Variants in FLVCR2 observed in about 807,000 individuals in gnomAD.
FLVCR2 encodes FLVCR choline and putative heme transporter 2, also known as choline/ethanolamine transporter FLVCR2.
Under a neutral mutation model 48.9 loss-of-function variants are expected in FLVCR2, and 38 were observed. The observed-to-expected ratio is 0.78, with a 90% CI of 0.60 to 1.02. The LOEUF (loss-of-function observed/expected upper bound fraction) is 1.02, where lower values mean the gene tolerates loss of function less well. Among genes scored for constraint, FLVCR2 ranks in the 50% least tolerant of loss-of-function variants. The pLI is 0.00. For missense variants in FLVCR2, 664 were observed against 663.3 expected (o/e 1.00, Z -0.01); for synonymous variants, 255 against 257.0 (o/e 0.99, Z 0.07).
At chr14:75,595,827 G>C (rs1889005588) in intron 1 of FLVCR2, 3 of 886,060 alleles carry the variant, frequency 3.4e-6, no homozygotes, top group Non-Finnish European at 5.8e-6. Flanking sequence ...CTTTTTGCCA[G>C]CACCAACATT....
chr14:75,596,158 G>A (rs899170751), intron 1 of FLVCR2: 7 of 791,194 alleles, frequency 8.8e-6, no homozygotes, highest in South Asian at 2.7e-5. Flanking sequence ...CTCTGAAGTC[G>A]TCGGTTGATC....
At chr14:75,587,573 G>A (rs1036302134) in intron 1 of FLVCR2, among the ~76,000 whole-genome samples, 1 of 152,230 alleles carries the variant, frequency 6.6e-6, no homozygotes, top group Admixed American at 6.5e-5. Context: ...AGGGAGGGAA[G>A]ATGAGCCTGG....
chr14:75,619,156 G>A (rs999137326), intron 1 of FLVCR2, among the ~76,000 whole-genome samples: 6 of 151,938 alleles, frequency 3.9e-5, no homozygotes, highest in African/African-American at 1.2e-4. Flanking sequence ...CCTGGGAGGC[G>A]GCAGAGGTTG....
chr14:75,589,729 G>A (rs1319745570), intron 1 of FLVCR2, among the ~76,000 whole-genome samples: 3 of 152,178 alleles, frequency 2.0e-5, no homozygotes, highest in Non-Finnish European at 1.5e-5. Flanking sequence ...AAGCCACCAT[G>A]GCACCATAGC....
chr14:75,596,060 C>T, intron 1 of FLVCR2: 1 of 1,260,618 alleles, frequency 7.9e-7, no homozygotes, highest in Non-Finnish European at 1.1e-6. Flanking sequence ...CCAGTGTGGT[C>T]TTGTACATTT....
chr14:75,587,577 A>C (rs1161682704), intron 1 of FLVCR2, among the ~76,000 whole-genome samples: 1 of 152,198 alleles, frequency 6.6e-6, no homozygotes, highest in African/African-American at 2.4e-5. Context: ...AGGGAAGATG[A>C]GCCTGGAGAA....
At chr14:75,611,693 G>A (rs186608305) in intron 1 of FLVCR2, among the ~76,000 whole-genome samples, 25 of 152,110 alleles carry the variant, frequency 1.6e-4, no homozygotes, top group Admixed American at 9.2e-4. Flanking sequence ...AGCCGAGATC[G>A]CACCACTGCA....
intron 5 of FLVCR2, among the ~76,000 whole-genome samples, chr14:75,637,121 C>T (rs1890183918): frequency 1.3e-5 from 2 of 152,208 alleles, no homozygotes; most frequent in Admixed American, 1.3e-4. Flanking sequence ...TTCCCGCATG[C>T]AGTAGCAGAA....
rs961928408 is a variant in FLVCR2 at position 75,581,478 on chromosome 14, G to A, written c.669+1837G>A. On this transcript the variant is annotated intron_variant, in intron 1 of 9. Coordinates refer to ENST00000238667, the MANE Select transcript of FLVCR2 (RefSeq NM_017791.3). Reference sequence around the variant, plus strand: ...ATTGAGGACGGTAAGGGGTATGAAGGTTTTACTGAATACCAAGAGCCTGAG... The same window carrying A: ...ATTGAGGACGGTAAGGGGTATGAAGATTTTACTGAATACCAAGAGCCTGAG... 1.6e-4 allele frequency among the ~76,000 whole-genome samples: 25 copies of A among 152,114 alleles called. 1 individual carries two copies. The highest frequency in any genetic ancestry group is 2.6e-4 in the Admixed American group (4 of 15,262).
At chr14:75,595,588 G>T (rs1566784609) in intron 1 of FLVCR2, among the ~76,000 whole-genome samples, 1 of 152,200 alleles carries the variant, frequency 6.6e-6, no homozygotes, top group African/African-American at 2.4e-5. Flanking sequence ...AATGTCAGAG[G>T]TCTTTCAAGG....
intron 1 of FLVCR2, among the ~76,000 whole-genome samples, chr14:75,580,193 C>T (rs1269898047): frequency 1.3e-5 from 2 of 152,158 alleles, no homozygotes; most frequent in South Asian, 2.1e-4. Flanking sequence ...AGAGCCAAGT[C>T]CAGCAGGATG....
At chr14:75,625,512 G>T (rs1252212458) in intron 3 of FLVCR2, among the ~76,000 whole-genome samples, 1 of 151,946 alleles carries the variant, frequency 6.6e-6, no homozygotes, top group East Asian at 1.9e-4. Context: ...CCAGATGAAT[G>T]CCAGTCTATT....
intron 1 of FLVCR2, among the ~76,000 whole-genome samples, chr14:75,580,987 C>T (rs921882516): frequency 7.2e-5 from 11 of 151,960 alleles, no homozygotes; most frequent in Non-Finnish European, 1.5e-4. Context: ...GTTGGAGCAG[C>T]GAAAAATTTT....
chr14:75,640,405 T>TTGTGTGTGTGTGTG (rs10562124), intron 6 of FLVCR2, among the ~76,000 whole-genome samples: 2 of 148,396 alleles, frequency 1.3e-5, no homozygotes, highest in Non-Finnish European at 3.0e-5. Context: ...ATATGAGTGT[T>TTGTGTGTGTGTGTG]TGTGTGTGTG....
intron 5 of FLVCR2, among the ~76,000 whole-genome samples, chr14:75,638,425 G>A (rs763667958): frequency 3.3e-5 from 5 of 151,798 alleles, no homozygotes; most frequent in African/African-American, 7.3e-5. Context: ...CGACAAGAGC[G>A]AAACTCCATC....
intron 1 of FLVCR2, among the ~76,000 whole-genome samples, chr14:75,583,441 A>G (rs144245486): frequency 1.3e-5 from 2 of 152,176 alleles, no homozygotes; most frequent in African/African-American, 2.4e-5. Context: ...GTGGGGTAAG[A>G]GTGATTAGAT....
intron 3 of FLVCR2, among the ~76,000 whole-genome samples, chr14:75,627,514 C>T: frequency 6.6e-6 from 1 of 152,200 alleles, no homozygotes; most frequent in Non-Finnish European, 1.5e-5. Context: ...CATCCAGCAG[C>T]CTCGCAGCCG....
intron 1 of FLVCR2, among the ~76,000 whole-genome samples, chr14:75,621,385 C>T (rs1243358526): frequency 6.9e-6 from 1 of 145,610 alleles, no homozygotes; most frequent in Non-Finnish European, 1.5e-5. Flanking sequence ...TCCAGCCAGG[C>T]GACACAGCGA....
chr14:75,617,162 A>G (rs1889640509), intron 1 of FLVCR2, among the ~76,000 whole-genome samples: 4 of 152,144 alleles, frequency 2.6e-5, no homozygotes, highest in African/African-American at 9.7e-5. Flanking sequence ...TGGGTTGGGT[A>G]TGGAAATCTT....
Sources: allele counts gnomAD v4.1 joint callset (sites outside exome capture counted in the v4.1 genomes callset), GRCh38; gene constraint gnomAD v4.1.1; transcripts MANE v1.5; gene names NCBI Gene and HGNC (gene_info 2026-07-23, HGNC 2026-07-21).